Variants in VPS8 observed in about 807,000 individuals in gnomAD.
VPS8 encodes the protein VPS8 subunit of CORVET complex.
Under a neutral mutation model 216.4 loss-of-function variants are expected in VPS8, and 129 were observed. That is an observed-to-expected ratio of 0.60 (90% confidence interval 0.52 to 0.69). The LOEUF (loss-of-function observed/expected upper bound fraction) is 0.69. VPS8 is among the 30% of genes least tolerant of loss of function. The pLI is 0.00. For synonymous variants in VPS8, 571 were observed against 565.4 expected (o/e 1.01, Z -0.14); for missense variants, 1,531 against 1,683.5 (o/e 0.91, Z 1.59).
chr3:185,034,612 G>T (rs111983388), intron 46 of VPS8, among the ~76,000 whole-genome samples: 23 of 83,380 alleles, frequency 2.8e-4, no homozygotes, highest in African/African-American at 1.3e-3. Flanking sequence ...TGATAGTTTT[G>T]TTGTTGTTGT....
intron 44 of VPS8, 144 bp downstream of exon 44, chr3:184,996,645 C>T: frequency 1.1e-6 from 1 of 921,692 alleles, no homozygotes; most frequent in Non-Finnish European, 1.6e-6. Context: ...TTACATTCTG[C>T]ATTGGGGTGG....
intron 1 of VPS8, among the ~76,000 whole-genome samples, chr3:184,816,493 C>T (rs370914631): frequency 6.6e-6 from 1 of 152,174 alleles, no homozygotes; most frequent in South Asian, 2.1e-4. Flanking sequence ...TGGGCTTTTT[C>T]GTCGTGGCAG....
chr3:185,036,696 T>C (rs999958710), intron 46 of VPS8, among the ~76,000 whole-genome samples: 4 of 151,980 alleles, frequency 2.6e-5, no homozygotes, highest in Admixed American at 6.6e-5. Context: ...TATAGTTTTA[T>C]TCCCTTCCCC....
At chr3:185,004,880 A>G (rs1408709830) in intron 45 of VPS8, among the ~76,000 whole-genome samples, 1 of 150,632 alleles carries the variant, frequency 6.6e-6, no homozygotes, top group East Asian at 2.0e-4. Flanking sequence ...GGTTCCATTT[A>G]TTTATTTGGT....
rs371375124 is a variant in VPS8 at position 184,866,969 on chromosome 3, T to A, written c.1470+19T>A. On this transcript the variant is annotated intron_variant, in intron 17 of 47. Transcript: ENST00000625842. The stretch of plus-strand genomic sequence containing the variant: ...GACAAAAGTAAGCTCTTTTACTCTG[T>A]GAGTTGGTATTTGTATGTATCAGGG... The A allele has an allele frequency of 1.2e-6, 2 of 1,609,482 alleles. No individual in the cohort carries two copies. The highest frequency in any genetic ancestry group is 1.3e-5 in the African/African-American group (1 of 74,680).
rs556193658 is a variant in VPS8 at position 184,965,549 on chromosome 3, G to A, written c.3273+992G>A. 7.9e-5 allele frequency among the ~76,000 whole-genome samples: 12 copies of A among 152,352 alleles called. No individual in the cohort carries two copies. In the South Asian group the frequency reaches 1.4e-3, roughly 18 times the overall value. ...AGCAGCTTCACTAGGGCTCCGCTGTGTAATATATAGGCAGGTCAGGCGAGA... is the reference window on the plus strand; with the variant it reads ...AGCAGCTTCACTAGGGCTCCGCTGTATAATATATAGGCAGGTCAGGCGAGA... On this transcript the variant is annotated intron_variant, in intron 38 of 47. Transcript: ENST00000625842.
intron 21 of VPS8, among the ~76,000 whole-genome samples, chr3:184,872,736 G>A (rs1477829487): frequency 6.6e-6 from 1 of 151,908 alleles, no homozygotes; most frequent in African/African-American, 2.4e-5. Context: ...TAATAATGAT[G>A]AAAAATATAC....
Position 184,999,112 on chromosome 3 carries a change from C to G in VPS8, c.3837-584C>G, listed in dbSNP as rs548840355. On this transcript the variant is annotated intron_variant, in intron 44 of 47. Transcript: ENST00000625842. ...TGCTCTTGTTGCCCAGGCTGGAGTG[C>G]AGTGGCACGATCTTGGCTCACTGCA... 2.2e-4 allele frequency among the ~76,000 whole-genome samples: 33 copies of G among 152,110 alleles called. No homozygotes were observed. The South Asian group carries it at 6.2e-3, about 29-fold the overall frequency.
At chr3:184,922,640 A>T (rs1035559268) in intron 29 of VPS8, among the ~76,000 whole-genome samples, 6 of 152,168 alleles carry the variant, frequency 3.9e-5, no homozygotes, top group African/African-American at 9.7e-5. Flanking sequence ...TCAATGAAGA[A>T]TGAGATTTTG....
intron 23 of VPS8, among the ~76,000 whole-genome samples, chr3:184,895,853 C>T (rs1004152523): frequency 2.0e-5 from 3 of 150,384 alleles, no homozygotes; most frequent in African/African-American, 4.9e-5. Flanking sequence ...AGGCTGGTCT[C>T]GAACTTTTGA....
intron 40 of VPS8, among the ~76,000 whole-genome samples, chr3:184,976,785 G>T (rs1749335818): frequency 6.6e-6 from 1 of 152,108 alleles, no homozygotes; most frequent in Non-Finnish European, 1.5e-5. Context: ...TTGCTGCAAA[G>T]GACATGATTT....
chr3:184,974,030 T>C (rs1366497527), intron 40 of VPS8, among the ~76,000 whole-genome samples: 1 of 152,162 alleles, frequency 6.6e-6, no homozygotes, highest in African/African-American at 2.4e-5. Flanking sequence ...CCCTTTGATA[T>C]ACTGATTACA....
intron 7 of VPS8, 102 bp from the exon 8 acceptor site, chr3:184,843,138 A>T: frequency 1.3e-6 from 1 of 777,652 alleles, no homozygotes; most frequent in Non-Finnish European, 1.9e-6. Flanking sequence ...AAAGCTTGTC[A>T]CTTATATTCT....
chr3:184,836,004 C>T (rs1254175050), intron 5 of VPS8, among the ~76,000 whole-genome samples: 1 of 152,104 alleles, frequency 6.6e-6, no homozygotes, highest in African/African-American at 2.4e-5. Context: ...CCACCTCGTC[C>T]AGCCAAGTTT....
At chr3:184,813,300 C>T (rs1487055208) in intron 1 of VPS8, among the ~76,000 whole-genome samples, 2 of 152,150 alleles carry the variant, frequency 1.3e-5, no homozygotes, top group East Asian at 3.9e-4. Context: ...TACTGAAAAA[C>T]CCCAAAACCC....
intron 29 of VPS8, chr3:184,922,386 A>G (rs1436138455): frequency 2.2e-6 from 1 of 452,224 alleles, no homozygotes; most frequent in African/African-American, 2.0e-5. Flanking sequence ...TGTGAGGATT[A>G]TTCTAATTAT....
rs1389016747 is a variant in VPS8 at position 184,913,503 on chromosome 3, T to C, written c.2147-16T>C. On this transcript the variant is annotated splice_polypyrimidine_tract_variant and intron_variant, in intron 25 of 47. Transcript: ENST00000625842. ...TTGAGAGAAAATTGCTGAAGATACT[T>C]CTCTTTCTATTTTAGATGAACAAGT... 4 of 1,575,938 alleles carry C rather than the reference T, an allele frequency of 2.5e-6. No individual in the cohort carries two copies. Among genetic ancestry groups the C allele is most frequent in the East Asian group, 2.3e-5 (1 of 44,166 alleles).
intron 22 of VPS8, among the ~76,000 whole-genome samples, chr3:184,892,601 T>C (rs1383987551): frequency 1.3e-5 from 2 of 152,198 alleles, no homozygotes; most frequent in Non-Finnish European, 2.9e-5. Context: ...TGTCGTTGAA[T>C]ATAAAAAAAA....
intron 44 of VPS8, among the ~76,000 whole-genome samples, chr3:184,998,808 C>A (rs769877431): frequency 2.6e-5 from 4 of 151,866 alleles, no homozygotes; most frequent in Non-Finnish European, 5.9e-5. Flanking sequence ...AATCACAACC[C>A]TTGCCTTGAA....
Sources: gnomAD v4.1 joint callset for allele counts (sites outside exome capture counted in the v4.1 genomes callset) on GRCh38, gnomAD v4.1.1 for gene constraint, MANE v1.5 for transcripts, NCBI Gene and HGNC (gene_info 2026-07-23, HGNC 2026-07-21) for gene names.